DSCAML1: variants seen among roughly 807,000 people sequenced by gnomAD.
DSCAML1 encodes DS cell adhesion molecule like 1.
DSCAML1 carries 38 observed loss-of-function variants against 200.5 expected under a neutral mutation model. That is an observed-to-expected ratio of 0.19 (90% CI 0.15 to 0.25). DSCAML1 has a LOEUF of 0.25. DSCAML1 is among the 10% of genes least tolerant of loss of function. DSCAML1 has a pLI of 1.00. For synonymous variants in DSCAML1, 1,215 were observed against 1,165.0 expected, an observed-to-expected ratio of 1.04 and a Z score of -0.87; for missense variants, 2,223 against 2,858.8, an observed-to-expected ratio of 0.78 and a Z score of 5.07.
intron 4 of DSCAML1, among the ~76,000 whole-genome samples, chr11:117,530,160 C>T (rs1208668664): frequency 2.0e-5 from 3 of 152,072 alleles, no homozygotes; most frequent in Admixed American, 2.0e-4. Context: ...TCCTCCCCCT[C>T]GCCCCTTCTC....
intron 3 of DSCAML1, among the ~76,000 whole-genome samples, chr11:117,608,839 G>T (rs2051626656): frequency 6.6e-6 from 1 of 151,950 alleles, no homozygotes; most frequent in Non-Finnish European, 1.5e-5. Context: ...GTGTACTGAA[G>T]TGTCCTTCTC....
Position 117,504,805 on chromosome 11 carries a change from C to G in DSCAML1, c.2182+119G>C, listed in dbSNP as rs1001283122. 1 of 1,385,210 alleles carries G rather than the reference C, an allele frequency of 7.2e-7. No individual in the cohort carries two copies. The highest frequency in any genetic ancestry group is 9.5e-7 in the Non-Finnish European group (1 of 1,055,300). 85.8% of individuals were successfully genotyped at this position (1,385,210 alleles called of 1,614,324 possible). On this transcript the variant is annotated intron_variant, in intron 10 of 32. Coordinates refer to ENST00000651296, the MANE Select transcript of DSCAML1 (RefSeq NM_020693.4). This position sits in a 1 kb window ranked among gnomAD's most constrained non-coding sequence, Gnocchi z 5.0. ...GCCTGGGGTCCACTGGGGTGCAGAC[C>G]AGAGGACTCCCATCCAGGGATAGGA...
chr11:117,428,523 G>A lies in DSCAML1; in HGVS notation c.5967C>T (p.Gly1989=). The A allele has an allele frequency of 6.7e-7, 1 of 1,491,464 alleles. No homozygotes were observed. The highest frequency in any genetic ancestry group is 9.1e-7 in the Non-Finnish European group (1 of 1,104,674). 92.4% of individuals were successfully genotyped at this position (1,491,464 alleles called of 1,614,324 possible). A position where few individuals can be genotyped will look rare whatever the true frequency, so the allele number is the denominator to read the frequency against. ...CGGTGGGTGGCTCAGCAGGGGTGGGGCCGGGGGCTGGGGGGGCTGTGCCGG... is the reference window on the plus strand; with the variant it reads ...CGGTGGGTGGCTCAGCAGGGGTGGGACCGGGGGCTGGGGGGGCTGTGCCGG... ...PPAGTAPPAP[G]PTPAEPPTAP... The change falls in exon 33 of 33, where the codon GGC becomes GGT. Residue 1989 remains glycine (G), a synonymous_variant. Coordinates refer to ENST00000651296, the MANE Select transcript of DSCAML1 (RefSeq NM_020693.4).
intron 3 of DSCAML1, among the ~76,000 whole-genome samples, chr11:117,629,891 T>A (rs1342518041): frequency 6.6e-6 from 1 of 152,144 alleles, no homozygotes; most frequent in African/African-American, 2.4e-5. Context: ...CCCCAGCTAT[T>A]CAGGAGACTG....
chr11:117,678,299 C>T (rs947289044), intron 3 of DSCAML1, among the ~76,000 whole-genome samples: 40 of 152,066 alleles, frequency 2.6e-4, no homozygotes, highest in Admixed American at 2.0e-3. Context: ...GGGTGGCGGG[C>T]GGGAGGAGAA....
intron 3 of DSCAML1, among the ~76,000 whole-genome samples, chr11:117,749,547 A>G (rs948355744): frequency 1.3e-5 from 2 of 152,230 alleles, no homozygotes; most frequent in Non-Finnish European, 2.9e-5. Flanking sequence ...AAGGCAGCAG[A>G]CAACAGCACC....
chr11:117,578,894 A>T (rs112103474), intron 3 of DSCAML1, among the ~76,000 whole-genome samples: 129 of 152,200 alleles, frequency 8.5e-4, no homozygotes, highest in African/African-American at 2.9e-3. Flanking sequence ...CAGCACAGAA[A>T]ACTTAGCCTT....
At chr11:117,741,039 T>C (rs976125885) in intron 3 of DSCAML1, among the ~76,000 whole-genome samples, 1 of 152,246 alleles carries the variant, frequency 6.6e-6, no homozygotes, top group Admixed American at 6.5e-5. Context: ...CAACTACCAA[T>C]GTGGGGTACA....
chr11:117,454,796 G>A (rs1034454698), intron 19 of DSCAML1, among the ~76,000 whole-genome samples: 3 of 152,208 alleles, frequency 2.0e-5, no homozygotes, highest in Non-Finnish European at 4.4e-5. Flanking sequence ...GCAATCTGGG[G>A]TAACTTAAAT....
chr11:117,555,852 A>G (rs946230403), intron 3 of DSCAML1, among the ~76,000 whole-genome samples: 9 of 151,786 alleles, frequency 5.9e-5, no homozygotes, highest in African/African-American at 2.2e-4. Context: ...TGATTCATGG[A>G]AAGCCCTCTC....
chr11:117,545,254 C>A (rs1391872279), intron 3 of DSCAML1, among the ~76,000 whole-genome samples: 1 of 148,366 alleles, frequency 6.7e-6, no homozygotes, highest in East Asian at 2.0e-4. Context: ...CACACACACA[C>A]ACACACAAAA....
At chr11:117,468,661 T>A (rs1380289700) in intron 16 of DSCAML1, among the ~76,000 whole-genome samples, 1 of 152,168 alleles carries the variant, frequency 6.6e-6, no homozygotes, top group Non-Finnish European at 1.5e-5. Flanking sequence ...GCTCCAGGTA[T>A]CCACTAGGTG....
At chr11:117,802,612 C>A (rs377752097) in intron 1 of DSCAML1, among the ~76,000 whole-genome samples, 1 of 152,260 alleles carries the variant, frequency 6.6e-6, no homozygotes, top group South Asian at 2.1e-4. Flanking sequence ...TGGAGTTTCT[C>A]GTCTCTAAGA....
intron 1 of DSCAML1, among the ~76,000 whole-genome samples, chr11:117,803,226 T>C (rs1283536058): frequency 6.6e-6 from 1 of 152,152 alleles, no homozygotes; most frequent in African/African-American, 2.4e-5. Context: ...CCAGAAGTTG[T>C]ATCACAGTAT....
At chr11:117,743,569 G>T (rs566952470) in intron 3 of DSCAML1, among the ~76,000 whole-genome samples, 1 of 152,138 alleles carries the variant, frequency 6.6e-6, no homozygotes, top group Non-Finnish European at 1.5e-5. Flanking sequence ...CTCAGCTCCC[G>T]CTGTCTGGCG....
intron 11 of DSCAML1, among the ~76,000 whole-genome samples, chr11:117,493,349 G>A (rs1405996417): frequency 7.5e-5 from 11 of 145,852 alleles, no homozygotes; most frequent in East Asian, 4.0e-4. Context: ...ACAGAGTCTC[G>A]CTCTGTCACC....
At chr11:117,749,128 A>G (rs983394121) in intron 3 of DSCAML1, among the ~76,000 whole-genome samples, 7 of 152,214 alleles carry the variant, frequency 4.6e-5, no homozygotes, top group African/African-American at 1.7e-4. Context: ...CGAAAGGATG[A>G]GGCCCAGAAC....
intron 3 of DSCAML1, among the ~76,000 whole-genome samples, chr11:117,650,692 T>TGTGTGTGTGTGC (rs1555194688): frequency 1.4e-5 from 2 of 141,790 alleles, no homozygotes; most frequent in African/African-American, 5.1e-5. Context: ...TGTGTGTGTG[T>TGTGTGTGTGTGC]GTGTGTGTGC....
At chr11:117,705,019 ACT>A (rs1312438665) in intron 3 of DSCAML1, among the ~76,000 whole-genome samples, 18 of 151,900 alleles carry the variant, frequency 1.2e-4, no homozygotes, top group African/African-American at 4.3e-4. Context: ...TGGTGCAAAG[ACT>A]CTGCGTACCC....
Sources: gnomAD v4.1 joint callset for allele counts (sites outside exome capture counted in the v4.1 genomes callset) on GRCh38, gnomAD v4.1.1 for gene constraint, Gnocchi (gnomAD v3.1) non-coding constraint, MANE v1.5 for transcripts, NCBI Gene and HGNC (gene_info 2026-07-23, HGNC 2026-07-21) for gene names.